AFAP1L2: variants seen among roughly 807,000 people sequenced by gnomAD.
AFAP1L2 encodes the protein actin filament associated protein 1 like 2.
Under a neutral mutation model 99.3 loss-of-function variants are expected in AFAP1L2, and 46 were observed. The observed-to-expected ratio is 0.46, with a 90% CI of 0.37 to 0.59. AFAP1L2 has a LOEUF of 0.59. Ranked by LOEUF, AFAP1L2 falls within the 20% of genes least tolerant of loss-of-function variation. AFAP1L2 has a pLI of 0.00. For missense variants in AFAP1L2, 959 were observed against 1,034.9 expected (o/e 0.93, Z 1.01); for synonymous variants, 397 against 419.1 (o/e 0.95, Z 0.64).
At chr10:114,315,896 G>C (rs11196690) in intron 5 of AFAP1L2, 131 bp from the exon 6 acceptor site, 20,424 of 902,382 alleles carry the variant, frequency 0.023, 350 homozygotes, top group African/African-American at 0.073. Flanking sequence ...TGCCCTCAAA[G>C]CAGCCCCACA....
chr10:114,404,315 G>A lies in AFAP1L2; in HGVS notation c.16+125C>T, dbSNP rs1350348849. ...GTCGCCCCCTCTTAGGCCCAGGTCC[G>A]GGCTGGGTGGGGGCAGTGGGCTCTG... On this transcript the variant is annotated intron_variant, in intron 1 of 18. Coordinates refer to ENST00000304129, the MANE Select transcript of AFAP1L2 (RefSeq NM_001001936.3). The A allele has an allele frequency of 4.4e-6, 5 of 1,146,578 alleles. No individual in the cohort carries two copies. The Admixed American group carries it at 8.0e-5, about 18-fold the overall frequency. The allele number at this position is 1,146,578 out of a possible 1,614,324, so 71.0% of individuals were successfully genotyped here.
rs950660340 is a variant in AFAP1L2, at chr10:114,340,649, C to T, written c.99G>A (p.Lys33=). 2.5e-6 allele frequency: 4 copies of T among 1,614,252 alleles called. No homozygotes were observed. In the Admixed American group the frequency reaches 6.7e-5, roughly 27 times the overall value. ...QENLSSTALV[K]KSCLAELLRL... is the part of the protein sequence containing the mutation. Reference sequence around the variant, plus strand: ...GGAGGAGCTCCGCCAGGCAGCTCTTCTTCACCAGTGCTGTGCTGCTCAGGT... The same window carrying T: ...GGAGGAGCTCCGCCAGGCAGCTCTTTTTCACCAGTGCTGTGCTGCTCAGGT... Residue 33 remains lysine, a synonymous_variant, in exon 2 of 19, where the codon AAG becomes AAA. Transcript: ENST00000304129.
rs186432971 is a variant in AFAP1L2 at position 114,296,981 on chromosome 10, G to A, written c.2427C>T (p.Ala809=). 36 of 1,614,158 alleles carry A rather than the reference G, an allele frequency of 2.2e-5. No homozygotes were observed. In the East Asian group the frequency reaches 3.8e-4, roughly 17 times the overall value. ...VTGKGTVLQK[A]KEWEKKGAS ...GAGGCTGGGAGTGACTGCTTACCTT[G>A]GCTTTCTGGAGTACAGTGCCTTTGC... Residue 809 remains alanine, a synonymous_variant, in exon 18 of 19, where the codon GCC becomes GCT. Coordinates refer to ENST00000304129, the MANE Select transcript of AFAP1L2 (RefSeq NM_001001936.3).
chr10:114,379,047 C>G (rs55783931), intron 1 of AFAP1L2, among the ~76,000 whole-genome samples: 1,500 of 121,694 alleles, frequency 0.012, 23 homozygotes, highest in African/African-American at 0.036. Flanking sequence ...CCCGTCCCTA[C>G]TAAAAATACA....
chr10:114,313,198 G>T (rs1320810526), intron 7 of AFAP1L2, among the ~76,000 whole-genome samples: 2 of 152,110 alleles, frequency 1.3e-5, no homozygotes, highest in Non-Finnish European at 2.9e-5. Flanking sequence ...CAGGGTCCCT[G>T]CTGGGTTTGG....
chr10:114,320,018 T>A (rs1204692346), intron 5 of AFAP1L2, among the ~76,000 whole-genome samples: 2 of 152,024 alleles, frequency 1.3e-5, no homozygotes, highest in African/African-American at 4.8e-5. Context: ...GAGACAAACA[T>A]GGAAGGAGCC....
intron 1 of AFAP1L2, among the ~76,000 whole-genome samples, chr10:114,366,215 G>C (rs2053223396): frequency 6.6e-6 from 1 of 152,172 alleles, no homozygotes; most frequent in African/African-American, 2.4e-5. Flanking sequence ...TAACCAAAAA[G>C]CCAAGACTGT....
chr10:114,346,459 G>A (rs1409951811), intron 1 of AFAP1L2, among the ~76,000 whole-genome samples: 1 of 152,174 alleles, frequency 6.6e-6, no homozygotes, highest in Non-Finnish European at 1.5e-5. Flanking sequence ...CACCCTTTCG[G>A]GATCCAGCCA....
intron 1 of AFAP1L2, among the ~76,000 whole-genome samples, chr10:114,371,859 T>TC (rs2054152824): frequency 8.5e-6 from 1 of 117,846 alleles, no homozygotes; most frequent in South Asian, 2.9e-4. Context: ...GAAGATTTTT[T>TC]TGGGGGGGTG....
chr10:114,298,195 T>C (rs1398199381), intron 16 of AFAP1L2, among the ~76,000 whole-genome samples: 1 of 151,994 alleles, frequency 6.6e-6, no homozygotes, highest in Non-Finnish European at 1.5e-5. Flanking sequence ...CTGGCCAACA[T>C]GGTGAAATCC....
At chr10:114,319,676 G>GA (rs1448060277) in intron 5 of AFAP1L2, 2 of 1,276,276 alleles carry the variant, frequency 1.6e-6, no homozygotes, top group South Asian at 2.5e-5. Flanking sequence ...CAGACAGAGG[G>GA]AAGAGAAGAG....
At chr10:114,341,157 G>C (rs2048768920) in intron 1 of AFAP1L2, among the ~76,000 whole-genome samples, 1 of 152,250 alleles carries the variant, frequency 6.6e-6, no homozygotes, top group South Asian at 2.1e-4. Flanking sequence ...CTCTCATCTT[G>C]ATCCTCTCCG....
Position 114,377,738 on chromosome 10 carries a change from A to G in AFAP1L2, c.16+26702T>C, listed in dbSNP as rs764652521. On this transcript the variant is annotated intron_variant, in intron 1 of 18. Transcript: ENST00000304129. This position sits in a 1 kb window ranked among gnomAD's most constrained non-coding sequence, Gnocchi z 4.0. ...CCCTCAAATGCCTTAATTTCAACTC[A>G]GCAAGGTATCTGTGAACCAAGTGCT... is the stretch of plus-strand genomic sequence containing the variant. Among the ~76,000 whole-genome samples, 1 of 152,260 alleles carries G rather than the reference A, an allele frequency of 6.6e-6. No individual in the cohort carries two copies. Among genetic ancestry groups the G allele is most frequent in the Non-Finnish European group, 1.5e-5 (1 of 68,046 alleles).
intron 1 of AFAP1L2, among the ~76,000 whole-genome samples, chr10:114,349,398 A>AG (rs1487390946): frequency 6.7e-6 from 1 of 149,670 alleles, no homozygotes; most frequent in African/African-American, 2.4e-5. Flanking sequence ...AAAAAAAAAA[A>AG]AAAAAGAAAA....
In AFAP1L2 at chr10:114,313,914, A is replaced by G; in HGVS notation, c.749T>C (p.Val250Ala). The G allele has an allele frequency of 1.2e-6, 2 of 1,613,886 alleles. No individual in the cohort carries two copies. The highest frequency in any genetic ancestry group is 1.7e-6 in the Non-Finnish European group (2 of 1,179,960). The change falls in exon 7 of 19, where the codon GTG (valine) becomes GCG (alanine). Residue 250 changes from valine (V) to alanine (A), a missense_variant. Physicochemically the swap from Val to Ala is moderately conservative, Grantham distance 64. This residue lies in a region of AFAP1L2 where 383 missense variants were observed against 472.8 expected (regional missense o/e 0.81). Transcript: ENST00000304129. ...KITPMNADVI[V>A]LGLQSKDQAE... ...CTGGTCCTTGCTCTGCAGGCCCAGC[A>G]CAATCACATCGGCATTCATCGGCGT...
At chr10:114,301,624 C>T (rs1389668865) in intron 12 of AFAP1L2, 159 bp from the exon 13 acceptor site, 2 of 598,642 alleles carry the variant, frequency 3.3e-6, no homozygotes, top group African/African-American at 3.7e-5. Context: ...GAGGGCACCT[C>T]CTCCCTCTTT....
chr10:114,311,497 C>A (rs1199671275), intron 7 of AFAP1L2, among the ~76,000 whole-genome samples: 1 of 152,224 alleles, frequency 6.6e-6, no homozygotes, highest in Non-Finnish European at 1.5e-5. Flanking sequence ...ATAGGAAGAG[C>A]ACAGGCACTA....
intron 1 of AFAP1L2, among the ~76,000 whole-genome samples, chr10:114,351,214 C>G (rs571245859): frequency 6.6e-6 from 1 of 152,294 alleles, no homozygotes; most frequent in African/African-American, 2.4e-5. Flanking sequence ...GAAATTTTCA[C>G]TCCTTCTTTA....
chr10:114,310,696 T>A, intron 7 of AFAP1L2, among the ~76,000 whole-genome samples: 1 of 152,232 alleles, frequency 6.6e-6, no homozygotes, highest in East Asian at 1.9e-4. Context: ...TTCATGGGCA[T>A]GCGAGGGGGG....
Sources: allele counts gnomAD v4.1 joint callset (sites outside exome capture counted in the v4.1 genomes callset), GRCh38; gene constraint gnomAD v4.1.1; regional missense constraint gnomAD v4.1.1; non-coding constraint Gnocchi (gnomAD v3.1); transcripts MANE v1.5; gene names NCBI Gene and HGNC (gene_info 2026-07-23, HGNC 2026-07-21).